The following EPHA4 variants were observed in gnomAD, a reference collection of about 807,000 sequenced individuals.
EPHA4 encodes EPH receptor A4.
Under a neutral mutation model 108.3 loss-of-function variants are expected in EPHA4, and 19 were observed. The observed-to-expected ratio is 0.18, with a 90% CI of 0.12 to 0.26. The LOEUF (loss-of-function observed/expected upper bound fraction) is 0.26. Among genes scored for constraint, EPHA4 ranks in the 10% least tolerant of loss-of-function variants. The pLI, the probability that EPHA4 is intolerant of heterozygous loss-of-function variation, is 1.00. For synonymous variants in EPHA4, 449 were observed against 455.5 expected, an observed-to-expected ratio of 0.99 and a Z score of 0.18; for missense variants, 917 against 1,254.0, an observed-to-expected ratio of 0.73 and a Z score of 4.06.
At chr2:221,502,906 C>G (rs1692523084) in intron 3 of EPHA4, among the ~76,000 whole-genome samples, 1 of 152,190 alleles carries the variant, frequency 6.6e-6, no homozygotes, top group African/African-American at 2.4e-5. Flanking sequence ...ACAAGTTGCT[C>G]CAATGACTGA....
At chr2:221,503,922 A>G (rs1418502144) in intron 3 of EPHA4, among the ~76,000 whole-genome samples, 1 of 152,222 alleles carries the variant, frequency 6.6e-6, no homozygotes, top group Non-Finnish European at 1.5e-5. Flanking sequence ...TCTTTGCTCT[A>G]TGTGGTGCAC....
At chr2:221,493,586 G>A (rs920098525) in intron 4 of EPHA4, among the ~76,000 whole-genome samples, 1 of 152,160 alleles carries the variant, frequency 6.6e-6, no homozygotes, top group Non-Finnish European at 1.5e-5. Context: ...TCGACATTGG[G>A]TTTCCACCGA....
chr2:221,450,203 G>T (rs955633929), intron 8 of EPHA4, among the ~76,000 whole-genome samples: 4 of 152,206 alleles, frequency 2.6e-5, no homozygotes, highest in Admixed American at 1.3e-4. Flanking sequence ...GAGGTCAGGG[G>T]TTCGCGACCA....
At chr2:221,498,768 C>T (rs1692381190) in intron 4 of EPHA4, among the ~76,000 whole-genome samples, 2 of 151,148 alleles carry the variant, frequency 1.3e-5, no homozygotes, top group Admixed American at 6.6e-5. Context: ...TGAAAGGCAC[C>T]AGTCCTGGCT....
intron 4 of EPHA4, among the ~76,000 whole-genome samples, chr2:221,493,556 G>A (rs971744769): frequency 2.6e-5 from 4 of 152,182 alleles, no homozygotes; most frequent in Non-Finnish European, 5.9e-5. Context: ...TCACAACACA[G>A]TCACACAGCA....
intron 4 of EPHA4, among the ~76,000 whole-genome samples, chr2:221,490,430 G>A (rs1352209999): frequency 6.6e-6 from 1 of 152,002 alleles, no homozygotes. Flanking sequence ...TTCAATGCCT[G>A]GGCTATGAAA....
intron 17 of EPHA4, among the ~76,000 whole-genome samples, chr2:221,424,461 A>G (rs1245443184): frequency 6.8e-6 from 1 of 146,150 alleles, no homozygotes; most frequent in Non-Finnish European, 1.5e-5. Flanking sequence ...TAAAAGTGAT[A>G]AAAATGAAAT....
intron 4 of EPHA4, among the ~76,000 whole-genome samples, chr2:221,496,817 G>A (rs1041249571): frequency 2.0e-5 from 3 of 152,112 alleles, no homozygotes; most frequent in South Asian, 2.1e-4. Flanking sequence ...GCTGAGGCAG[G>A]AGAATCACTT....
chr2:221,482,729 A>C, intron 4 of EPHA4, 39 bp from the exon 5 acceptor site: 1 of 1,518,588 alleles, frequency 6.6e-7, no homozygotes, highest in Non-Finnish European at 8.9e-7. Context: ...CAAGAACCGA[A>C]ATACCCTTTT....
At chr2:221,563,331 C>T (rs571370170) in intron 3 of EPHA4, among the ~76,000 whole-genome samples, 1 of 152,164 alleles carries the variant, frequency 6.6e-6, no homozygotes, top group Non-Finnish European at 1.5e-5. Context: ...ATGCAGAAGA[C>T]GGGAGATATT....
In EPHA4 at chr2:221,566,969, G is replaced by GGAAGAAGAAGAAGAGGAAGAA. The variant is rs879053064; in HGVS notation, c.159+1748_159+1749insTTCTTCCTCTTCTTCTTCTTC. ...GAGAAGGAGAAGGGGAAGAGGAAGA[G>GGAAGAAGAAGAAGAGGAAGAA]GAAGAAGAAGAAGAAGAAGAAGAAG... On this transcript the variant is annotated intron_variant, in intron 2 of 17. Coordinates refer to ENST00000281821, the MANE Select transcript of EPHA4 (RefSeq NM_004438.5). Among the ~76,000 whole-genome samples the GGAAGAAGAAGAAGAGGAAGAA allele has an allele frequency of 5.1e-4, 14 of 27,646 alleles. 5 individuals are homozygous for GGAAGAAGAAGAAGAGGAAGAA. The highest frequency in any genetic ancestry group is 2.7e-3 in the African/African-American group (14 of 5,196). 18.1% of individuals were successfully genotyped at this position (27,646 alleles called of 152,430 possible).
chr2:221,562,822 C>T (rs1165081787), intron 3 of EPHA4, among the ~76,000 whole-genome samples: 3 of 152,034 alleles, frequency 2.0e-5, no homozygotes, highest in Non-Finnish European at 4.4e-5. Context: ...CAGATATAAA[C>T]TTTCTGTAAA....
At chr2:221,497,285 G>A (rs1214270040) in intron 4 of EPHA4, among the ~76,000 whole-genome samples, 1 of 152,202 alleles carries the variant, frequency 6.6e-6, no homozygotes, top group Non-Finnish European at 1.5e-5. Context: ...TGAGGAAATT[G>A]GGGCCTGGTG....
At chr2:221,485,849 G>A (rs1241907880) in intron 4 of EPHA4, among the ~76,000 whole-genome samples, 1 of 124,286 alleles carries the variant, frequency 8.0e-6, no homozygotes, top group Admixed American at 7.8e-5. Context: ...GCCAATCTGG[G>A]CCTGTAGTTA....
chr2:221,546,243 G>A (rs529441214), intron 3 of EPHA4, among the ~76,000 whole-genome samples: 5 of 152,168 alleles, frequency 3.3e-5, no homozygotes, highest in East Asian at 1.9e-4. Flanking sequence ...ATCTAATTCC[G>A]AAGGCTTAAG....
At chr2:221,522,913 G>A (rs1315622213) in intron 3 of EPHA4, among the ~76,000 whole-genome samples, 1 of 151,776 alleles carries the variant, frequency 6.6e-6, no homozygotes, top group East Asian at 2.0e-4. Context: ...GATTACAGGT[G>A]CGTGCCACCA....
chr2:221,564,371 A>G lies in EPHA4; in HGVS notation c.183T>C (p.Asp61=), dbSNP rs768942003. Residue 61 remains aspartate, a synonymous_variant, in exon 3 of 18, where the codon GAT becomes GAC. Transcript: ENST00000281821. ...AGGTTCGGATTGGTGTATTTTTTTC[A>G]TCCATGATACTCACTTCCTCCCACT... is the stretch of plus-strand genomic sequence containing the variant. ...EGGWEEVSIM[D]EKNTPIRTYQ... 6.2e-7 allele frequency: 1 copy of G among 1,612,024 alleles called. No individual in the cohort carries two copies. The highest frequency in any genetic ancestry group is 1.7e-4 in the Middle Eastern group (1 of 6,052).
At chr2:221,510,743 T>TA (rs1470922261) in intron 3 of EPHA4, among the ~76,000 whole-genome samples, 1 of 152,180 alleles carries the variant, frequency 6.6e-6, no homozygotes, top group East Asian at 1.9e-4. Flanking sequence ...GTGGGGGAGA[T>TA]GACTTATTAT....
chr2:221,486,227 T>A (rs1691969208), intron 4 of EPHA4, among the ~76,000 whole-genome samples: 1 of 152,142 alleles, frequency 6.6e-6, no homozygotes, highest in Non-Finnish European at 1.5e-5. Flanking sequence ...AGCTTGAGGG[T>A]CATTGTGAAT....
Sources: gnomAD v4.1 joint callset for allele counts (sites outside exome capture counted in the v4.1 genomes callset) on GRCh38, gnomAD v4.1.1 for gene constraint, MANE v1.5 for transcripts, NCBI Gene and HGNC (gene_info 2026-07-23, HGNC 2026-07-21) for gene names.